The following PTPRN2 variants were observed in gnomAD, a reference collection of about 807,000 sequenced individuals.
The protein encoded by PTPRN2 is receptor-type tyrosine-protein phosphatase N2.
PTPRN2 carries 74 observed loss-of-function variants against 118.8 expected under a neutral mutation model. The observed-to-expected ratio is 0.62, with a 90% CI of 0.52 to 0.76. The LOEUF (loss-of-function observed/expected upper bound fraction) is 0.76, where lower values mean the gene tolerates loss of function less well. PTPRN2 is among the 30% of genes least tolerant of loss of function. The probability of loss-of-function intolerance (pLI) is 0.00; values close to 1 mark genes in which losing one functional copy is unlikely to be tolerated. For missense variants in PTPRN2, 1,481 were observed against 1,394.4 expected (o/e 1.06, Z -0.99); for synonymous variants, 641 against 608.0 (o/e 1.05, Z -0.80).
At chr7:157,643,489 G>A (rs1453942795) in intron 14 of PTPRN2, among the ~76,000 whole-genome samples, 3 of 152,230 alleles carry the variant, frequency 2.0e-5, no homozygotes, top group Admixed American at 2.0e-4. Flanking sequence ...CGCTGCAAGG[G>A]GCACTGTGGC....
At position 158,015,751 on chromosome 7, in the gene PTPRN2, A is replaced by C. The variant is rs554039744; in HGVS notation, c.1723+65547T>G. On this transcript the variant is annotated intron_variant, in intron 11 of 22. Transcript: ENST00000389418. The surrounding 1 kb of genome is among the most constrained non-coding windows in gnomAD (Gnocchi z 4.2). ...TAGGAGTTCAAAACAAATCACAAAC[A>C]TGTCTGTCTATTACAATTGTCTAAT... Among the ~76,000 whole-genome samples the C allele has an allele frequency of 2.0e-5, 3 of 152,260 alleles. No homozygotes were observed. The highest frequency in any genetic ancestry group is 4.4e-5 in the Non-Finnish European group (3 of 68,048).
intron 2 of PTPRN2, among the ~76,000 whole-genome samples, chr7:158,431,274 C>T (rs1333897445): frequency 2.7e-5 from 4 of 149,064 alleles, no homozygotes; most frequent in Non-Finnish European, 6.0e-5. Context: ...ACTCCGGGCT[C>T]AACACTGGCT....
intron 2 of PTPRN2, among the ~76,000 whole-genome samples, chr7:158,330,770 ACCCGC>A (rs1563150071): frequency 3.1e-5 from 3 of 97,694 alleles, no homozygotes; most frequent in African/African-American, 1.1e-4. Flanking sequence ...AAGAGCTGAC[ACCCGC>A]AGACGTCACT....
rs144779281 is a variant in PTPRN2 at position 158,164,503 on chromosome 7, C to T, written c.910+2428G>A. 5.1e-3 allele frequency among the ~76,000 whole-genome samples: 773 copies of T among 150,142 alleles called. 10 individuals are homozygous for T. The highest frequency in any genetic ancestry group is 7.2e-3 in the Admixed American group (109 of 15,152). ...GAAGGGCTCGCAGAGCGGGAGCGCG[C>T]GCGTAGGGAGGGCTCAGAGCGGGAG... is the stretch of plus-strand genomic sequence containing the variant. On this transcript the variant is annotated intron_variant, in intron 6 of 22. Coordinates refer to ENST00000389418, the MANE Select transcript of PTPRN2 (RefSeq NM_002847.5).
intron 6 of PTPRN2, among the ~76,000 whole-genome samples, chr7:158,160,638 C>G (rs1474573192): frequency 1.3e-5 from 2 of 152,192 alleles, no homozygotes; most frequent in Non-Finnish European, 2.9e-5. Flanking sequence ...TTTGACTCAT[C>G]TTGTCAAAAG....
At position 158,526,345 on chromosome 7, in the gene PTPRN2, G is replaced by A. The variant is rs867283830; in HGVS notation, c.113-36560C>T. The stretch of plus-strand genomic sequence containing the variant: ...CAGGGCTGCATCTCTCCCGTGGGAC[G>A]CTGCAGAGATAACCAGGTAGAGCCA... On this transcript the variant is annotated intron_variant, in intron 1 of 22. Transcript: ENST00000389418. The surrounding 1 kb of genome is among the most constrained non-coding windows in gnomAD (Gnocchi z 5.2). Among the ~76,000 whole-genome samples the A allele has an allele frequency of 2.6e-5, 4 of 152,170 alleles. No individual in the cohort carries two copies. Among genetic ancestry groups the A allele is most frequent in the South Asian group, 4.1e-4 (2 of 4,830 alleles).
At chr7:157,774,837 G>A (rs1022040119) in intron 12 of PTPRN2, among the ~76,000 whole-genome samples, 1 of 152,154 alleles carries the variant, frequency 6.6e-6, no homozygotes, top group Non-Finnish European at 1.5e-5. Context: ...GGACCAGTCC[G>A]ACGGGGGAGG....
At chr7:158,390,311 G>A (rs1386352821) in intron 2 of PTPRN2, among the ~76,000 whole-genome samples, 3 of 152,198 alleles carry the variant, frequency 2.0e-5, no homozygotes, top group Non-Finnish European at 2.9e-5. Context: ...CAATGAACTC[G>A]ACTAAGAAGT....
At chr7:157,867,670 C>G (rs1810794910) in intron 12 of PTPRN2, among the ~76,000 whole-genome samples, 1 of 152,208 alleles carries the variant, frequency 6.6e-6, no homozygotes, top group Admixed American at 6.5e-5. Context: ...AAAGAGTGAA[C>G]TAGATTCACG....
intron 3 of PTPRN2, among the ~76,000 whole-genome samples, chr7:158,277,743 C>T (rs1224767753): frequency 2.0e-5 from 3 of 152,188 alleles, no homozygotes; most frequent in East Asian, 1.9e-4. Context: ...CTCCCTTGCC[C>T]GGCCGGGGTT....
Position 157,848,697 on chromosome 7 carries a change from G to T in PTPRN2, c.1788+49976C>A, listed in dbSNP as rs538672826. 4.0e-3 allele frequency among the ~76,000 whole-genome samples: 607 copies of T among 152,362 alleles called. 5 individuals are homozygous for T. Among genetic ancestry groups the T allele is most frequent in the African/African-American group, 0.013 (559 of 41,594 alleles). On this transcript the variant is annotated intron_variant, in intron 12 of 22. Transcript: ENST00000389418. Reference sequence around the variant, plus strand: ...ACGGCTTCCGCGGGATCCCATGAAGGTTCTGTAAGCCAGAGCTGAAGTGAG... The same window carrying T: ...ACGGCTTCCGCGGGATCCCATGAAGTTTCTGTAAGCCAGAGCTGAAGTGAG...
At chr7:157,898,812 C>CAATGGAGGAAAATA in intron 11 of PTPRN2, 75 bp from the exon 12 acceptor site, 1 of 1,339,932 alleles carries the variant, frequency 7.5e-7, no homozygotes, top group Non-Finnish European at 1.1e-6. Context: ...TGAGTATTTT[C>CAATGGAGGAAAATA]CTCCATTGAA....
chr7:158,270,825 CACCTGGATGACCCCCTCA>C (rs1563067755), intron 3 of PTPRN2, among the ~76,000 whole-genome samples: 2 of 10,564 alleles, frequency 1.9e-4, no homozygotes, highest in Non-Finnish European at 4.0e-4. Context: ...CCGCCCCCTC[CACCTGGATGACCCCCTCA>C]CCTGGACCGC....
At chr7:157,945,740 GCCAC>G (rs1435913670) in intron 11 of PTPRN2, among the ~76,000 whole-genome samples, 7 of 151,380 alleles carry the variant, frequency 4.6e-5, no homozygotes, top group East Asian at 3.9e-4. Flanking sequence ...CTTGGACAAT[GCCAC>G]CTCCAGCTTG....
chr7:158,127,285 C>T (rs1466385233), intron 9 of PTPRN2, among the ~76,000 whole-genome samples: 1 of 150,268 alleles, frequency 6.7e-6, no homozygotes, highest in Non-Finnish European at 1.5e-5. Context: ...TGCACCTGTG[C>T]CCTGCGTCCT....
At chr7:158,477,109 C>A (rs1185239467) in intron 2 of PTPRN2, among the ~76,000 whole-genome samples, 1 of 152,214 alleles carries the variant, frequency 6.6e-6, no homozygotes, top group African/African-American at 2.4e-5. Context: ...GACTGCCAGT[C>A]ACACGGAGTG....
intron 3 of PTPRN2, among the ~76,000 whole-genome samples, chr7:158,258,196 C>T (rs992776079): frequency 3.9e-5 from 6 of 152,206 alleles, no homozygotes; most frequent in South Asian, 2.1e-4. Context: ...GCATTCCCGA[C>T]GTCCACACAC....
chr7:158,277,095 CCT>C (rs1172286771), intron 3 of PTPRN2, among the ~76,000 whole-genome samples: 1 of 152,168 alleles, frequency 6.6e-6, no homozygotes, highest in African/African-American at 2.4e-5. Flanking sequence ...CAGAAGCCAT[CCT>C]CTCACACACG....
chr7:157,922,737 T>C (rs4716808), intron 11 of PTPRN2, among the ~76,000 whole-genome samples: 120,843 of 152,114 alleles, frequency 0.79, 48,229 homozygotes, highest in African/African-American at 0.86. Flanking sequence ...GCAAGCTCGA[T>C]GTCACGGCAC....
Sources: allele counts gnomAD v4.1 joint callset (sites outside exome capture counted in the v4.1 genomes callset), GRCh38; gene constraint gnomAD v4.1.1; non-coding constraint Gnocchi (gnomAD v3.1); transcripts MANE v1.5; gene names NCBI Gene and HGNC (gene_info 2026-07-23, HGNC 2026-07-21).